The following CCDC146 variants were observed in gnomAD, a reference collection of about 807,000 sequenced individuals.
The protein encoded by CCDC146 is coiled-coil domain-containing protein 146.
A neutral mutation model predicts 119.3 loss-of-function variants in CCDC146; 92 were observed. The ratio of observed to expected loss-of-function variants is 0.77; its 90% CI spans 0.65 to 0.92. CCDC146 has a LOEUF of 0.92. CCDC146 is among the 40% of genes least tolerant of loss of function. The pLI is 0.00. For missense variants in CCDC146, 1,000 were observed against 1,103.0 expected (o/e 0.91, Z 1.32); for synonymous variants, 372 against 371.8 (o/e 1.00, Z -0.01).
In CCDC146 at chr7:77,241,906, T is replaced by C; in HGVS notation, c.449+6T>C. ...AATCAGTACAGATTAAATAGGTAAG[T>C]GCACAGTTCTCTCCGGCACACTGAA... is the stretch of plus-strand genomic sequence containing the variant. On this transcript the variant is annotated splice_donor_region_variant and intron_variant, in intron 4 of 18. Coordinates refer to ENST00000285871, the MANE Select transcript of CCDC146 (RefSeq NM_020879.3). 1 of 1,595,518 alleles carries C rather than the reference T, an allele frequency of 6.3e-7. No homozygotes were observed. Among genetic ancestry groups the C allele is most frequent in the African/African-American group, 1.3e-5 (1 of 74,604 alleles).
In CCDC146 at chr7:77,236,960, GA is replaced by G. The variant is rs1792747488; in HGVS notation, c.174del (p.Lys58AsnfsTer10). 6.2e-7 allele frequency: 1 copy of G among 1,613,840 alleles called. No homozygotes were observed. The highest frequency in any genetic ancestry group is 8.5e-7 in the Non-Finnish European group (1 of 1,179,838). On this transcript the variant is annotated frameshift_variant, in exon 3 of 19. Coordinates refer to ENST00000285871, the MANE Select transcript of CCDC146 (RefSeq NM_020879.3). LOFTEE classifies it high-confidence loss of function. Reference sequence around the variant, plus strand: ...TCTCTTTGCTAGTTACATGCTATGGGAAAACTTCCTGGAACCAGAATGGCAG... The same window carrying G: ...TCTCTTTGCTAGTTACATGCTATGGGAAACTTCCTGGAACCAGAATGGCAG... Reference protein sequence around the residue: ...FIFLHELHAMGKLPGTRMAAL... With the variant: ...FIFLHELHAMXKLPGTRMAAL...
In CCDC146 at chr7:77,144,849, G is replaced by T. The variant is rs977477162; in HGVS notation, c.-12+22117G>T. Among the ~76,000 whole-genome samples, 6 of 151,712 alleles carry T rather than the reference G, an allele frequency of 4.0e-5. 1 individual carries two copies. The highest frequency in any genetic ancestry group is 1.5e-4 in the African/African-American group (6 of 41,042). On this transcript the variant is annotated intron_variant, in intron 1 of 18. Transcript: ENST00000285871. ...TTTTATTGAGGATTTTTTCATCGAT[G>T]TTCATCAGGGATATTGGTCTAAAAT...
chr7:77,254,242 G>A (rs534204404), intron 4 of CCDC146, among the ~76,000 whole-genome samples: 4 of 152,258 alleles, frequency 2.6e-5, no homozygotes, highest in Middle Eastern at 6.8e-3. Flanking sequence ...CCTGTGTCCC[G>A]AGGCCCGTGG....
At chr7:77,144,417 C>T (rs1171088101) in intron 1 of CCDC146, among the ~76,000 whole-genome samples, 1 of 151,720 alleles carries the variant, frequency 6.6e-6, no homozygotes, top group African/African-American at 2.4e-5. Flanking sequence ...TTTCTTTCTC[C>T]TGCCTGATTG....
intron 1 of CCDC146, among the ~76,000 whole-genome samples, chr7:77,135,448 G>GA (rs576385583): frequency 2.6e-4 from 38 of 143,606 alleles, no homozygotes; most frequent in African/African-American, 4.1e-4. Flanking sequence ...GTGAGACACT[G>GA]AAAAAAAAAA....
intron 2 of CCDC146, among the ~76,000 whole-genome samples, chr7:77,183,459 C>A (rs1437595853): frequency 6.6e-6 from 1 of 152,044 alleles, no homozygotes; most frequent in African/African-American, 2.4e-5. Context: ...CAGTCAAATC[C>A]CTCTACAATC....
At chr7:77,140,924 TTA>T (rs551388424) in intron 1 of CCDC146, among the ~76,000 whole-genome samples, 24 of 152,016 alleles carry the variant, frequency 1.6e-4, no homozygotes, top group African/African-American at 5.8e-4. Flanking sequence ...CCATTAGCCT[TTA>T]TTTTTTTTTA....
At chr7:77,228,494 C>CT (rs1792560017) in intron 2 of CCDC146, among the ~76,000 whole-genome samples, 1 of 152,212 alleles carries the variant, frequency 6.6e-6, no homozygotes, top group Admixed American at 6.5e-5. Flanking sequence ...TGATCTCATT[C>CT]TTTTTTATGG....
intron 1 of CCDC146, among the ~76,000 whole-genome samples, chr7:77,164,600 A>C (rs1298443802): frequency 2.0e-5 from 3 of 152,234 alleles, no homozygotes; most frequent in Non-Finnish European, 4.4e-5. Context: ...TACATGTATA[A>C]TTTCCGGCTG....
At chr7:77,221,546 T>C (rs188994250) in intron 2 of CCDC146, among the ~76,000 whole-genome samples, 86 of 152,286 alleles carry the variant, frequency 5.6e-4, no homozygotes, top group Non-Finnish European at 5.6e-4. Context: ...CCTTTGGTGA[T>C]ATGCTCAACC....
At chr7:77,276,736 T>C (rs936960982) in intron 11 of CCDC146, among the ~76,000 whole-genome samples, 6 of 152,152 alleles carry the variant, frequency 3.9e-5, no homozygotes, top group Admixed American at 2.0e-4. Flanking sequence ...GCGGGTAAGA[T>C]GCAGGAGCAG....
chr7:77,174,323 C>T (rs1392558186), intron 2 of CCDC146, among the ~76,000 whole-genome samples: 1 of 152,140 alleles, frequency 6.6e-6, no homozygotes, highest in Non-Finnish European at 1.5e-5. Context: ...GAGGCTTGCC[C>T]TTGAGAGGGT....
intron 17 of CCDC146, 41 bp downstream of exon 17, chr7:77,287,618 C>G (rs1317973779): frequency 6.3e-7 from 1 of 1,588,462 alleles, no homozygotes; most frequent in Admixed American, 1.8e-5. Context: ...GCCCCTGCTC[C>G]TTTATTACCT....
chr7:77,186,871 T>C (rs1320732239), intron 2 of CCDC146, among the ~76,000 whole-genome samples: 2 of 152,130 alleles, frequency 1.3e-5, no homozygotes, highest in Admixed American at 6.6e-5. Flanking sequence ...GTGAGATTGG[T>C]TATAGCTCGG....
chr7:77,134,857 C>T (rs899529826), intron 1 of CCDC146, among the ~76,000 whole-genome samples: 1 of 152,080 alleles, frequency 6.6e-6, no homozygotes, highest in African/African-American at 2.4e-5. Flanking sequence ...AAAATGAAGA[C>T]ATAAACAGAT....
chr7:77,160,682 G>A (rs1791247453), intron 1 of CCDC146, among the ~76,000 whole-genome samples: 1 of 152,164 alleles, frequency 6.6e-6, no homozygotes, highest in South Asian at 2.1e-4. Context: ...GAGACCATGG[G>A]GTTTTCTAGA....
At chr7:77,253,096 T>C (rs1465037479) in intron 4 of CCDC146, among the ~76,000 whole-genome samples, 1 of 152,066 alleles carries the variant, frequency 6.6e-6, no homozygotes, top group East Asian at 1.9e-4. Flanking sequence ...AGACAAGGTG[T>C]GCCCACCTGG....
At chr7:77,152,681 A>C (rs1158576158) in intron 1 of CCDC146, among the ~76,000 whole-genome samples, 1 of 152,160 alleles carries the variant, frequency 6.6e-6, no homozygotes, top group African/African-American at 2.4e-5. Context: ...AGGCTCTCAC[A>C]CCAAAGCCTA....
At position 77,178,392 on chromosome 7, in the gene CCDC146, G is replaced by A. The variant is rs184039114; in HGVS notation, c.156+10568G>A. 4.6e-5 allele frequency among the ~76,000 whole-genome samples: 7 copies of A among 152,304 alleles called. No homozygotes were observed. In the East Asian group the frequency reaches 1.4e-3, roughly 29 times the overall value. Reference sequence around the variant, plus strand: ...ACAATCTGTGAGATTATCTTCCTTTGTTCATTCTGAAAACTCTTTCCTGAG... The same window carrying A: ...ACAATCTGTGAGATTATCTTCCTTTATTCATTCTGAAAACTCTTTCCTGAG... On this transcript the variant is annotated intron_variant, in intron 2 of 18. Transcript: ENST00000285871.
Sources: allele counts gnomAD v4.1 joint callset (sites outside exome capture counted in the v4.1 genomes callset), GRCh38; gene constraint gnomAD v4.1.1; transcripts MANE v1.5; gene names NCBI Gene and HGNC (gene_info 2026-07-23, HGNC 2026-07-21).